The following HDAC2 variants were observed in gnomAD, a reference collection of about 807,000 sequenced individuals.
The protein encoded by HDAC2 is histone deacetylase 2, also known as YY1-associated factor 1.
In HDAC2, 5 loss-of-function variants were observed where a neutral mutation model predicts 68.5. That is an observed-to-expected ratio of 0.07 (90% CI 0.04 to 0.15). The LOEUF is 0.15. HDAC2 is among the 10% of genes least tolerant of loss of function. The pLI, the probability that HDAC2 is intolerant of heterozygous loss-of-function variation, is 1.00. For synonymous variants in HDAC2, 182 were observed against 191.3 expected, an observed-to-expected ratio of 0.95 and a Z score of 0.40; for missense variants, 291 against 600.8, an observed-to-expected ratio of 0.48 and a Z score of 5.39.
intron 1 of HDAC2, chr6:113,970,351 G>A (rs549680107): frequency 1.0e-5 from 6 of 573,524 alleles, no homozygotes; most frequent in African/African-American, 6.1e-5. Flanking sequence ...GCGAGGAGGA[G>A]GGAAGGGGAC....
In HDAC2 at chr6:113,933,464, A is replaced by G. The variant is rs1344018115; in HGVS notation, c.*7594T>C. 4 of 152,032 alleles carry G rather than the reference A, an allele frequency of 2.6e-5. No individual in the cohort carries two copies. Among genetic ancestry groups the G allele is most frequent in the Non-Finnish European group, 5.9e-5 (4 of 67,996 alleles). 9.4% of individuals were successfully genotyped at this position (152,032 alleles called of 1,614,324 possible). A position where few individuals can be genotyped will look rare whatever the true frequency, so the allele number is the denominator to read the frequency against. ...CTGAGATTCGATCCTATCCCATCCC[A>G]TCTTATCCCATCTCCTTCTGTCCTC... is the stretch of plus-strand genomic sequence containing the variant. On this transcript the variant is annotated 3_prime_UTR_variant, in exon 14 of 14. Coordinates refer to ENST00000519065, the MANE Select transcript of HDAC2 (RefSeq NM_001527.4).
intron 10 of HDAC2, among the ~76,000 whole-genome samples, chr6:113,945,091 C>T (rs2114591934): frequency 6.6e-6 from 1 of 151,742 alleles, no homozygotes; most frequent in East Asian, 1.9e-4. Context: ...TGCCTGTAAG[C>T]TCAGCACTTC....
At chr6:113,953,896 T>C (rs1776480324) in intron 5 of HDAC2, among the ~76,000 whole-genome samples, 1 of 152,240 alleles carries the variant, frequency 6.6e-6, no homozygotes, top group Admixed American at 6.5e-5. Flanking sequence ...ACAAGAGTAT[T>C]TTCTGACGTG....
At chr6:113,944,810 A>G (rs1776230204) in intron 10 of HDAC2, among the ~76,000 whole-genome samples, 1 of 152,208 alleles carries the variant, frequency 6.6e-6, no homozygotes, top group South Asian at 2.1e-4. Context: ...GCATTATTTT[A>G]GCCTGCCATT....
intron 3 of HDAC2, among the ~76,000 whole-genome samples, chr6:113,958,262 G>A (rs949970615): frequency 3.9e-5 from 6 of 152,180 alleles, no homozygotes; most frequent in African/African-American, 1.4e-4. Context: ...TTATAGTCCA[G>A]GTTAACTGAA....
At chr6:113,942,838 C>T (rs1266858847) in intron 12 of HDAC2, among the ~76,000 whole-genome samples, 1 of 152,096 alleles carries the variant, frequency 6.6e-6, no homozygotes, top group African/African-American at 2.4e-5. Flanking sequence ...TTTTTCCTCC[C>T]TAACCCAGGT....
chr6:113,961,042 C>T (rs138702225), intron 1 of HDAC2, among the ~76,000 whole-genome samples: 4 of 151,990 alleles, frequency 2.6e-5, no homozygotes, highest in Admixed American at 6.5e-5. Context: ...AAATACTATA[C>T]CAGTTTATTG....
intron 11 of HDAC2, 149 bp from the exon 12 acceptor site, chr6:113,943,655 T>G: frequency 2.0e-6 from 1 of 495,748 alleles, no homozygotes; most frequent in Non-Finnish European, 3.3e-6. Context: ...TTGAATGGAA[T>G]GAATGGTTTA....
chr6:113,944,945 G>A (rs1011843583), intron 10 of HDAC2, among the ~76,000 whole-genome samples: 1 of 152,124 alleles, frequency 6.6e-6, no homozygotes, highest in African/African-American at 2.4e-5. Flanking sequence ...TGCTTGTGGA[G>A]ACAAAGCCTT....
chr6:113,969,565 T>A (rs892298243), intron 1 of HDAC2: 2 of 152,216 alleles, frequency 1.3e-5, no homozygotes, highest in South Asian at 2.1e-4. Context: ...GAGCCTAGGA[T>A]AGATTCTCTG....
At position 113,945,246 on chromosome 6, in the gene HDAC2, A is replaced by C. The variant is rs988689138; in HGVS notation, c.1091+116T>G. 7.0e-5 allele frequency: 33 copies of C among 473,018 alleles called. No individual in the cohort carries two copies. The Admixed American group carries it at 1.3e-3, about 18-fold the overall frequency. 29.3% of individuals were successfully genotyped at this position (473,018 alleles called of 1,614,324 possible). A position where few individuals can be genotyped will look rare whatever the true frequency, so the allele number is the denominator to read the frequency against. ...AGTAACTTAATGTTTCAAATCCTTT[A>C]GAAAAAAACAAAATATCTAATAAAG... On this transcript the variant is annotated intron_variant, in intron 10 of 13. Coordinates refer to ENST00000519065, the MANE Select transcript of HDAC2 (RefSeq NM_001527.4).
intron 12 of HDAC2, among the ~76,000 whole-genome samples, chr6:113,943,083 C>T (rs1010375655): frequency 6.6e-6 from 1 of 152,140 alleles, no homozygotes; most frequent in Non-Finnish European, 1.5e-5. Context: ...CTTAACCAAT[C>T]TATATCACAA....
In HDAC2 at chr6:113,933,103, G is replaced by A. The variant is rs1775929543; in HGVS notation, c.*7955C>T. The A allele has an allele frequency of 6.6e-6, 1 of 152,156 alleles. No individual in the cohort carries two copies. Among genetic ancestry groups the A allele is most frequent in the African/African-American group, 2.4e-5 (1 of 41,434 alleles). The allele number at this position is 152,156 out of a possible 1,614,324, so 9.4% of individuals were successfully genotyped here. A position where few individuals can be genotyped will look rare whatever the true frequency, so the allele number is the denominator to read the frequency against. On this transcript the variant is annotated 3_prime_UTR_variant, in exon 14 of 14. Coordinates refer to ENST00000519065, the MANE Select transcript of HDAC2 (RefSeq NM_001527.4). ...TATCTCAAAGCCAGTATCCTTGGGGGAAATTATACGTAATTGCTAAAATGT... is the reference window on the plus strand; with the variant it reads ...TATCTCAAAGCCAGTATCCTTGGGGAAAATTATACGTAATTGCTAAAATGT...
chr6:113,946,268 T>A, intron 8 of HDAC2, 120 bp from the exon 9 acceptor site: 1 of 679,576 alleles, frequency 1.5e-6, no homozygotes. Flanking sequence ...CTAAATATTT[T>A]AAAAACAAAT....
At chr6:113,965,515 C>G (rs536022321) in intron 1 of HDAC2, among the ~76,000 whole-genome samples, 62 of 152,162 alleles carry the variant, frequency 4.1e-4, no homozygotes, top group African/African-American at 1.3e-3. Flanking sequence ...ATTACAGGCA[C>G]CCGTCACCAT....
In HDAC2 at chr6:113,963,372, C is replaced by G. The variant is rs180744065; in HGVS notation, c.53-3354G>C. The stretch of plus-strand genomic sequence containing the variant: ...GTGCTGGGATTACAGATGTGAGCCA[C>G]TGTGCCCAGCCCACTTTTTCATAAA... On this transcript the variant is annotated intron_variant, in intron 1 of 13. Transcript: ENST00000519065. Among the ~76,000 whole-genome samples, 478 of 152,304 alleles carry G rather than the reference C, an allele frequency of 3.1e-3. 1 individual carries two copies. The highest frequency in any genetic ancestry group is 5.2e-3 in the Non-Finnish European group (353 of 68,016).
chr6:113,949,418 AAAT>A, intron 6 of HDAC2, 158 bp from the exon 7 acceptor site: 1 of 616,596 alleles, frequency 1.6e-6, no homozygotes, highest in Non-Finnish European at 2.9e-6. Context: ...CTGAGAAAGG[AAAT>A]AATAAACAAC....
At chr6:113,966,422 C>T (rs188132213) in intron 1 of HDAC2, among the ~76,000 whole-genome samples, 17 of 151,924 alleles carry the variant, frequency 1.1e-4, no homozygotes, top group Admixed American at 2.6e-4. Context: ...GGTGGTGGCA[C>T]GTGCCTGTAA....
In HDAC2 at chr6:113,940,954, T is replaced by C; in HGVS notation, c.*104A>G. ...GCCATTTGAAAATAAATACAGTCCATGCCAAAGTAGTATAAAATGAAGCCA... is the reference window on the plus strand; with the variant it reads ...GCCATTTGAAAATAAATACAGTCCACGCCAAAGTAGTATAAAATGAAGCCA... On this transcript the variant is annotated 3_prime_UTR_variant, in exon 14 of 14. Coordinates refer to ENST00000519065, the MANE Select transcript of HDAC2 (RefSeq NM_001527.4). 1 of 857,758 alleles carries C rather than the reference T, an allele frequency of 1.2e-6. No homozygotes were observed. Among genetic ancestry groups the C allele is most frequent in the Non-Finnish European group, 1.8e-6 (1 of 541,562 alleles). The allele number at this position is 857,758 out of a possible 1,614,324, so 53.1% of individuals were successfully genotyped here.
Sources: gnomAD v4.1 joint callset for allele counts (sites outside exome capture counted in the v4.1 genomes callset) on GRCh38, gnomAD v4.1.1 for gene constraint, MANE v1.5 for transcripts, NCBI Gene and HGNC (gene_info 2026-07-23, HGNC 2026-07-21) for gene names.